SIGLEC5: variants seen among roughly 807,000 people sequenced by gnomAD.
SIGLEC5 encodes the protein sialic acid binding Ig like lectin 5, also known as sialic acid-binding Ig-like lectin 5.
A neutral mutation model predicts 45.9 loss-of-function variants in SIGLEC5; 34 were observed. The observed-to-expected ratio is 0.74, with a 90% CI of 0.56 to 0.99. The LOEUF is 0.99. Ranked by LOEUF, SIGLEC5 falls within the 50% of genes least tolerant of loss-of-function variation. The pLI is 0.00. For missense variants in SIGLEC5, 508 were observed against 629.6 expected (o/e 0.81, Z 2.07); for synonymous variants, 203 against 258.6 (o/e 0.79, Z 2.06).
intron 3 of SIGLEC5, 54 bp downstream of exon 3, chr19:51,629,303 CA>C (rs757191339): frequency 0.027 from 42,825 of 1,581,534 alleles, 250 homozygotes; most frequent in Admixed American, 0.04. Context: ...CACACACACA[CA>C]CCCCTCACTC....
chr19:51,612,385 T>C lies in SIGLEC5; in HGVS notation c.1502A>G (p.Asp501Gly). The C allele has an allele frequency of 6.2e-7, 1 of 1,612,854 alleles. No individual in the cohort carries two copies. Among genetic ancestry groups the C allele is most frequent in the Non-Finnish European group, 8.5e-7 (1 of 1,179,464 alleles). Residue 501 changes from aspartate to glycine, a missense_variant, in exon 9 of 9, where the codon GAT (aspartate) becomes GGT (glycine). Transcript: ENST00000683636. ...RKKPWPDSPG[D>G]QASPPGDAPP... Reference sequence around the variant, plus strand: ...GGCATCCCCAGGAGGAGATGCTTGATCTCCGGGGCTGTCTGGCCAGGGCTT... The same window carrying C: ...GGCATCCCCAGGAGGAGATGCTTGACCTCCGGGGCTGTCTGGCCAGGGCTT...
At chr19:51,614,847 A>C (rs1240135352) in intron 8 of SIGLEC5, among the ~76,000 whole-genome samples, 4 of 152,254 alleles carry the variant, frequency 2.6e-5, no homozygotes, top group African/African-American at 9.6e-5. Flanking sequence ...AAGGAAAAGT[A>C]ATACTGGGTA....
chr19:51,623,081 G>A (rs1983351709), intron 8 of SIGLEC5, among the ~76,000 whole-genome samples: 2 of 152,100 alleles, frequency 1.3e-5, no homozygotes, highest in African/African-American at 4.8e-5. Flanking sequence ...TTGAGGGGCT[G>A]GGTACCCAAT....
chr19:51,622,568 A>C (rs1377292725), intron 8 of SIGLEC5, among the ~76,000 whole-genome samples: 2 of 152,214 alleles, frequency 1.3e-5, no homozygotes, highest in African/African-American at 4.8e-5. Flanking sequence ...ATTTATAGAC[A>C]GTGATGACTC....
chr19:51,617,314 T>G (rs981514461), intron 8 of SIGLEC5, among the ~76,000 whole-genome samples: 1 of 150,568 alleles, frequency 6.6e-6, no homozygotes, highest in African/African-American at 2.4e-5. Flanking sequence ...AAACAAAATT[T>G]CCAGAGTTAA....
At chr19:51,614,575 A>G (rs1982982271) in intron 8 of SIGLEC5, among the ~76,000 whole-genome samples, 1 of 152,248 alleles carries the variant, frequency 6.6e-6, no homozygotes, top group African/African-American at 2.4e-5. Context: ...GCACACCAGC[A>G]TTATGCAGGC....
At chr19:51,627,804 A>AG (rs1600104639) in intron 5 of SIGLEC5, 30 bp downstream of exon 5, 2 of 1,580,274 alleles carry the variant, frequency 1.3e-6, no homozygotes, top group East Asian at 4.5e-5. Flanking sequence ...AATACCATGC[A>AG]GTTCCTGCTC....
chr19:51,614,125 C>T (rs540176301), intron 8 of SIGLEC5, among the ~76,000 whole-genome samples: 13 of 152,280 alleles, frequency 8.5e-5, no homozygotes, highest in Admixed American at 3.9e-4. Flanking sequence ...TTGAAAGCAA[C>T]GTGAGTCTTC....
chr19:51,619,254 A>T (rs1051769160), intron 8 of SIGLEC5, among the ~76,000 whole-genome samples: 1 of 152,088 alleles, frequency 6.6e-6, no homozygotes, highest in Non-Finnish European at 1.5e-5. Flanking sequence ...GGTAATTTTT[A>T]TATTTTTAGT....
intron 8 of SIGLEC5, among the ~76,000 whole-genome samples, chr19:51,616,126 CTT>C (rs1224810054): frequency 1.3e-5 from 2 of 152,180 alleles, no homozygotes; most frequent in African/African-American, 4.8e-5. Context: ...AGCATCTGCC[CTT>C]CCCTCATTCA....
intron 8 of SIGLEC5, among the ~76,000 whole-genome samples, chr19:51,614,765 G>T (rs7251563): frequency 0.88 from 133,470 of 152,046 alleles, 58,749 homozygotes; most frequent in East Asian, 0.96. Context: ...GATGCCGTTC[G>T]TATAAATGAG....
chr19:51,624,551 G>C (rs1983406734), intron 8 of SIGLEC5, among the ~76,000 whole-genome samples: 1 of 152,104 alleles, frequency 6.6e-6, no homozygotes, highest in African/African-American at 2.4e-5. Context: ...AAGCATTTTG[G>C]ACAATTCGTT....
intron 4 of SIGLEC5, 46 bp from the exon 5 acceptor site, chr19:51,628,137 C>T: frequency 6.7e-7 from 1 of 1,485,458 alleles, no homozygotes; most frequent in South Asian, 1.4e-5. Flanking sequence ...GCCAGGGAGG[C>T]TGACAGTCCC....
Position 51,626,103 on chromosome 19 carries a change from G to A in SIGLEC5, c.1393C>T (p.Arg465Cys), listed in dbSNP as rs765412177. 104 of 1,613,526 alleles carry A rather than the reference G, an allele frequency of 6.4e-5. No homozygotes were observed. Among genetic ancestry groups the A allele is most frequent in the Non-Finnish European group, 6.7e-5 (79 of 1,179,998 alleles). ...GGTCTCCCAGCTGCTTGCTTCCTGC[G>A]GGCTTTCACTCTAAGGAAAGAAACC... ...CLIFFLIVKA[R>C]RKQAAGRPEK... Residue 465 changes from arginine (R) to cysteine (C), a missense_variant, in exon 8 of 9, where the codon CGC (arginine) becomes TGC (cysteine). Transcript: ENST00000683636.
At chr19:51,612,976 A>G (rs965194322) in intron 8 of SIGLEC5, among the ~76,000 whole-genome samples, 4 of 151,844 alleles carry the variant, frequency 2.6e-5, no homozygotes, top group South Asian at 4.1e-4. Flanking sequence ...TTGCTGTGCT[A>G]TCTTCTCTCT....
intron 8 of SIGLEC5, among the ~76,000 whole-genome samples, chr19:51,614,473 T>C (rs1191268052): frequency 6.6e-6 from 1 of 151,860 alleles, no homozygotes; most frequent in East Asian, 1.9e-4. Flanking sequence ...TAGGGAAAAA[T>C]GGCTTCATTG....
At chr19:51,618,226 G>A (rs559381648) in intron 8 of SIGLEC5, among the ~76,000 whole-genome samples, 1 of 151,952 alleles carries the variant, frequency 6.6e-6, no homozygotes, top group South Asian at 2.1e-4. Context: ...TACCAGCAGA[G>A]TAAACTCAAC....
intron 8 of SIGLEC5, among the ~76,000 whole-genome samples, chr19:51,616,354 T>C (rs903933595): frequency 6.6e-6 from 1 of 152,214 alleles, no homozygotes; most frequent in African/African-American, 2.4e-5. Flanking sequence ...TAAGAAACTT[T>C]GTCAATAACA....
At chr19:51,615,294 AG>A (rs34033299) in intron 8 of SIGLEC5, among the ~76,000 whole-genome samples, 1 of 151,296 alleles carries the variant, frequency 6.6e-6, no homozygotes, top group East Asian at 1.9e-4. Flanking sequence ...TGATATCCCT[AG>A]GGGAAAGTTA....
Sources: allele counts gnomAD v4.1 joint callset (sites outside exome capture counted in the v4.1 genomes callset), GRCh38; gene constraint gnomAD v4.1.1; transcripts MANE v1.5; gene names NCBI Gene and HGNC (gene_info 2026-07-23, HGNC 2026-07-21).